The following COL24A1 variants were observed in gnomAD, a reference collection of about 807,000 sequenced individuals.
COL24A1 encodes collagen alpha-1(XXIV) chain.
A neutral mutation model predicts 253.9 loss-of-function variants in COL24A1; 224 were observed. That is an observed-to-expected ratio of 0.88 (90% confidence interval 0.79 to 0.99). The LOEUF (loss-of-function observed/expected upper bound fraction) is 0.99. Among genes scored for constraint, COL24A1 ranks in the 50% least tolerant of loss-of-function variants. COL24A1 has a pLI of 0.00. For missense variants in COL24A1, 2,131 were observed against 2,068.5 expected (o/e 1.03, Z -0.59); for synonymous variants, 685 against 673.7 (o/e 1.02, Z -0.26).
At chr1:85,971,234 A>C in intron 21 of COL24A1, 106 bp downstream of exon 21, 1 of 807,504 alleles carries the variant, frequency 1.2e-6, no homozygotes. Flanking sequence ...TGGTAACTGG[A>C]AATCTGATGG....
At chr1:86,109,115 C>T (rs1426130254) in intron 5 of COL24A1, among the ~76,000 whole-genome samples, 1 of 152,176 alleles carries the variant, frequency 6.6e-6, no homozygotes, top group East Asian at 1.9e-4. Context: ...TGAGCCCTTA[C>T]AGCTACTTTA....
chr1:86,112,497 T>A, intron 5 of COL24A1, 70 bp downstream of exon 5: 4 of 1,354,896 alleles, frequency 3.0e-6, no homozygotes, highest in East Asian at 2.3e-5. Flanking sequence ...ATGTTAGGGA[T>A]CTTCTTTTTA....
chr1:85,820,764 C>A (rs1057217953), intron 45 of COL24A1, among the ~76,000 whole-genome samples: 1 of 152,160 alleles, frequency 6.6e-6, no homozygotes, highest in Admixed American at 6.5e-5. Flanking sequence ...GCCTGGCCAG[C>A]ACTGAAAAAT....
Position 85,737,439 on chromosome 1 carries a change from C to A in COL24A1, c.4739G>T (p.Ser1580Ile). The part of the protein sequence containing the change: ...SDAIEVFCNF[S>I]AGGQTCLPPV... ...AGGTAAGCATGTCTGGCCACCAGCA[C>A]TGAAATTGCAGAAAACCTCAATGGC... Residue 1580 changes from serine to isoleucine, a missense_variant, in exon 58 of 60, where the codon AGT becomes ATT. By Grantham distance (142) the Ser-to-Ile change is moderately radical. Transcript: ENST00000370571. 6.2e-7 allele frequency: 1 copy of A among 1,613,126 alleles called. No homozygotes were observed. Among genetic ancestry groups the A allele is most frequent in the East Asian group, 2.2e-5 (1 of 44,816 alleles).
At position 86,089,151 on chromosome 1, in the gene COL24A1, AAAG is replaced by A. The variant is rs760716386; in HGVS notation, c.1707+20_1707+22del. 2.0e-5 allele frequency: 32 copies of A among 1,563,950 alleles called. 1 individual carries two copies. Among genetic ancestry groups the A allele is most frequent in the Non-Finnish European group, 2.7e-5 (31 of 1,163,894 alleles). Reference sequence around the variant, plus strand: ...AAAAGAAAAAAAGAAGAAAAAAAGAAAAGAAGTAAAATTCCAACTTACCTTATC... The same window carrying A: ...AAAAGAAAAAAAGAAGAAAAAAAGAAAAGTAAAATTCCAACTTACCTTATC... On this transcript the variant is annotated intron_variant, in intron 7 of 59. Coordinates refer to ENST00000370571, the MANE Select transcript of COL24A1 (RefSeq NM_152890.7).
chr1:85,839,136 T>C (rs112710367), intron 42 of COL24A1, among the ~76,000 whole-genome samples: 11,690 of 152,114 alleles, frequency 0.077, 1,500 homozygotes, highest in African/African-American at 0.27. Context: ...GAGGTCGAGG[T>C]TGCAGTGAGT....
At chr1:86,062,652 A>AT (rs1347448779) in intron 8 of COL24A1, among the ~76,000 whole-genome samples, 1 of 151,862 alleles carries the variant, frequency 6.6e-6, no homozygotes, top group South Asian at 2.1e-4. Flanking sequence ...GTAACCTACA[A>AT]TTTTTTTCTC....
chr1:86,054,177 A>T (rs765532030), intron 10 of COL24A1, among the ~76,000 whole-genome samples: 5 of 152,118 alleles, frequency 3.3e-5, no homozygotes, highest in Non-Finnish European at 7.4e-5. Context: ...AGTATGTAAG[A>T]CCTCAAACTA....
intron 53 of COL24A1, among the ~76,000 whole-genome samples, chr1:85,766,946 T>G (rs949460833): frequency 2.0e-5 from 3 of 151,702 alleles, no homozygotes; most frequent in South Asian, 2.1e-4. Context: ...CTACTAAAAA[T>G]ACAAAAAATT....
At chr1:85,856,992 C>T (rs577192227) in intron 37 of COL24A1, among the ~76,000 whole-genome samples, 29 of 151,922 alleles carry the variant, frequency 1.9e-4, no homozygotes, top group Non-Finnish European at 2.8e-4. Flanking sequence ...TAAAGAGAAG[C>T]ATGGAGGTTT....
Position 86,156,534 on chromosome 1 carries a change from A to T in COL24A1, c.-138T>A, listed in dbSNP as rs953237839. 7 of 705,432 alleles carry T rather than the reference A, an allele frequency of 9.9e-6. No individual in the cohort carries two copies. The highest frequency in any genetic ancestry group is 1.5e-5 in the Non-Finnish European group (7 of 463,536). 43.7% of individuals were successfully genotyped at this position (705,432 alleles called of 1,614,324 possible). A position where few individuals can be genotyped will look rare whatever the true frequency, so the allele number is the denominator to read the frequency against. On this transcript the variant is annotated 5_prime_UTR_variant, in exon 1 of 60. Transcript: ENST00000370571. ...CCATGCTTCAAACCCGCAACAAGAA[A>T]AAAAGGAGGGGAGGGGGTGAAGTCG...
At chr1:86,116,802 T>C (rs1706189951) in intron 3 of COL24A1, among the ~76,000 whole-genome samples, 1 of 152,150 alleles carries the variant, frequency 6.6e-6, no homozygotes, top group Admixed American at 6.6e-5. Context: ...TTATAAAACT[T>C]TTCATGTATT....
intron 53 of COL24A1, 73 bp downstream of exon 53, chr1:85,775,601 C>T (rs1668460149): frequency 1.6e-6 from 2 of 1,236,976 alleles, no homozygotes; most frequent in African/African-American, 1.5e-5. Flanking sequence ...ATAACTCTAA[C>T]AGGGTCCTTG....
At chr1:86,023,504 T>G (rs1697748779) in intron 14 of COL24A1, among the ~76,000 whole-genome samples, 1 of 152,170 alleles carries the variant, frequency 6.6e-6, no homozygotes. Context: ...TTATCATAAT[T>G]TCAGGGATAA....
chr1:85,951,185 A>G (rs1050352002), intron 24 of COL24A1, among the ~76,000 whole-genome samples: 3 of 152,198 alleles, frequency 2.0e-5, no homozygotes, highest in Non-Finnish European at 2.9e-5. Flanking sequence ...CATAGTGTCA[A>G]TGTACAAAAA....
intron 57 of COL24A1, among the ~76,000 whole-genome samples, chr1:85,741,895 T>G (rs1664683213): frequency 1.3e-5 from 2 of 152,182 alleles, no homozygotes; most frequent in South Asian, 4.1e-4. Flanking sequence ...GATGTCTGCA[T>G]TGCTAAATTC....
intron 37 of COL24A1, among the ~76,000 whole-genome samples, chr1:85,860,058 GGGATT>G (rs201320100): frequency 0.019 from 2,916 of 152,128 alleles, 88 homozygotes; most frequent in African/African-American, 0.068. Context: ...GGAACCAGTT[GGGATT>G]CCCTATTTTA....
chr1:85,904,628 T>G (rs966865055), intron 28 of COL24A1, among the ~76,000 whole-genome samples: 2 of 152,260 alleles, frequency 1.3e-5, no homozygotes, highest in East Asian at 3.9e-4. Flanking sequence ...GGATAAATAA[T>G]AATACTTTAA....
At chr1:86,101,185 G>T (rs1704422699) in intron 5 of COL24A1, among the ~76,000 whole-genome samples, 1 of 152,104 alleles carries the variant, frequency 6.6e-6, no homozygotes, top group South Asian at 2.1e-4. Flanking sequence ...TCCAACTGGT[G>T]TCAGAGGATC....
Sources: gnomAD v4.1 joint callset for allele counts (sites outside exome capture counted in the v4.1 genomes callset) on GRCh38, gnomAD v4.1.1 for gene constraint, MANE v1.5 for transcripts, NCBI Gene and HGNC (gene_info 2026-07-23, HGNC 2026-07-21) for gene names.